The following ARHGAP42 variants were observed in gnomAD, a reference collection of about 807,000 sequenced individuals.
ARHGAP42 encodes the protein Rho GTPase activating protein 42, also known as rho GTPase-activating protein 42.
A neutral mutation model predicts 125.0 loss-of-function variants in ARHGAP42; 63 were observed. That is an observed-to-expected ratio of 0.50 (90% CI 0.41 to 0.62). ARHGAP42 has a LOEUF of 0.62. Among genes scored for constraint, ARHGAP42 ranks in the 20% least tolerant of loss-of-function variants. The pLI, the probability that ARHGAP42 is intolerant of heterozygous loss-of-function variation, is 0.00. For synonymous variants in ARHGAP42, 339 were observed against 351.0 expected (o/e 0.97, Z 0.38); for missense variants, 766 against 1,024.2 (o/e 0.75, Z 3.44).
chr11:100,779,042 C>G (rs1041078387), intron 2 of ARHGAP42, among the ~76,000 whole-genome samples: 1 of 151,928 alleles, frequency 6.6e-6, no homozygotes, highest in Non-Finnish European at 1.5e-5. Flanking sequence ...TTATTTGTAG[C>G]AAAGATTTAA....
At chr11:100,717,806 A>G (rs1861691779) in intron 1 of ARHGAP42, among the ~76,000 whole-genome samples, 1 of 151,534 alleles carries the variant, frequency 6.6e-6, no homozygotes, top group Non-Finnish European at 1.5e-5. Context: ...CACACCTGTC[A>G]TCCCAGCTAC....
chr11:100,955,415 C>T (rs1857778217), intron 12 of ARHGAP42, among the ~76,000 whole-genome samples: 1 of 152,042 alleles, frequency 6.6e-6, no homozygotes, highest in Non-Finnish European at 1.5e-5. Context: ...CTTCTCTCTA[C>T]AATGGAGGAG....
intron 1 of ARHGAP42, among the ~76,000 whole-genome samples, chr11:100,753,055 G>T (rs1489151062): frequency 4.6e-5 from 7 of 152,156 alleles, no homozygotes; most frequent in Admixed American, 1.3e-4. Flanking sequence ...TCTGTCCCTT[G>T]TGTTAAGTTA....
chr11:100,903,709 A>AAAAAATATATATAT (rs1332890022), intron 4 of ARHGAP42, among the ~76,000 whole-genome samples: 17 of 63,508 alleles, frequency 2.7e-4, no homozygotes, highest in African/African-American at 1.0e-3. Flanking sequence ...TGTCCCTCAA[A>AAAAAATATATATAT]ATATATATAT....
chr11:100,908,710 G>A (rs1236672610), intron 4 of ARHGAP42, among the ~76,000 whole-genome samples: 1 of 152,194 alleles, frequency 6.6e-6, no homozygotes, highest in Non-Finnish European at 1.5e-5. Context: ...AAACATATGA[G>A]TGCAGGTAAC....
chr11:100,777,086 G>A (rs757311182), intron 2 of ARHGAP42, among the ~76,000 whole-genome samples: 11 of 152,012 alleles, frequency 7.2e-5, no homozygotes, highest in Admixed American at 1.3e-4. Context: ...TGATGGATGA[G>A]AGCTCGAACA....
chr11:100,702,697 GT>G (rs1861417688), intron 1 of ARHGAP42, among the ~76,000 whole-genome samples: 1 of 141,590 alleles, frequency 7.1e-6, no homozygotes, highest in East Asian at 2.0e-4. Context: ...TTGACACGGA[GT>G]TTTGCTCTTG....
intron 2 of ARHGAP42, among the ~76,000 whole-genome samples, chr11:100,773,657 G>A (rs1863036000): frequency 1.3e-5 from 2 of 152,192 alleles, no homozygotes; most frequent in Non-Finnish European, 1.5e-5. Context: ...CTAGGCAGAT[G>A]TTAGGTAATT....
At chr11:100,753,354 G>T (rs370185339) in intron 1 of ARHGAP42, among the ~76,000 whole-genome samples, 18 of 152,172 alleles carry the variant, frequency 1.2e-4, no homozygotes, top group South Asian at 2.1e-4. Flanking sequence ...ATTCCAGGCC[G>T]TCTTTGCTCA....
At chr11:100,699,712 G>A (rs903378668) in intron 1 of ARHGAP42, among the ~76,000 whole-genome samples, 1 of 151,308 alleles carries the variant, frequency 6.6e-6, no homozygotes, top group Non-Finnish European at 1.5e-5. Flanking sequence ...TAGTACATAT[G>A]GGGTTTCACC....
intron 12 of ARHGAP42, among the ~76,000 whole-genome samples, chr11:100,954,197 C>G (rs1275373339): frequency 6.6e-6 from 1 of 152,026 alleles, no homozygotes; most frequent in African/African-American, 2.4e-5. Flanking sequence ...GTCCTTCAAC[C>G]CTGGGTCTGG....
intron 4 of ARHGAP42, among the ~76,000 whole-genome samples, chr11:100,866,069 G>A (rs897928806): frequency 1.3e-5 from 2 of 152,152 alleles, no homozygotes; most frequent in African/African-American, 2.4e-5. Context: ...GCCTTATCAC[G>A]TAAGTATATG....
chr11:100,728,663 C>T (rs1267808568), intron 1 of ARHGAP42, among the ~76,000 whole-genome samples: 3 of 142,616 alleles, frequency 2.1e-5, no homozygotes, highest in African/African-American at 7.8e-5. Context: ...GTTAGGTTCA[C>T]GATGGATCTA....
At chr11:100,747,657 T>C (rs1329819106) in intron 1 of ARHGAP42, among the ~76,000 whole-genome samples, 1 of 152,238 alleles carries the variant, frequency 6.6e-6, no homozygotes, top group Non-Finnish European at 1.5e-5. Context: ...TTTAACCTTT[T>C]AATGTAGGTA....
intron 3 of ARHGAP42, among the ~76,000 whole-genome samples, chr11:100,856,175 G>A (rs908079202): frequency 1.3e-5 from 2 of 152,002 alleles, no homozygotes; most frequent in African/African-American, 4.8e-5. Flanking sequence ...TTCCATATGA[G>A]CAAAAATTGC....
At chr11:100,916,600 A>T (rs971283709) in intron 5 of ARHGAP42, among the ~76,000 whole-genome samples, 1 of 152,188 alleles carries the variant, frequency 6.6e-6, no homozygotes, top group Non-Finnish European at 1.5e-5. Context: ...AAGGTATAGG[A>T]AATTGGGCAC....
At chr11:100,748,687 TG>T (rs951956714) in intron 1 of ARHGAP42, among the ~76,000 whole-genome samples, 1 of 152,220 alleles carries the variant, frequency 6.6e-6, no homozygotes, top group Non-Finnish European at 1.5e-5. Context: ...GCTAATAGAT[TG>T]AATGCATTTG....
intron 6 of ARHGAP42, among the ~76,000 whole-genome samples, chr11:100,932,375 T>C (rs1433742308): frequency 6.6e-6 from 1 of 152,216 alleles, no homozygotes; most frequent in Non-Finnish European, 1.5e-5. Context: ...GAGACAAGTC[T>C]GTGAAATAAA....
At chr11:100,829,623 A>G (rs1015596388) in intron 3 of ARHGAP42, among the ~76,000 whole-genome samples, 1 of 152,196 alleles carries the variant, frequency 6.6e-6, no homozygotes, top group Non-Finnish European at 1.5e-5. Context: ...TTGTTCAGTG[A>G]TAGAAATTAC....
Sources: gnomAD v4.1 joint callset for allele counts (sites outside exome capture counted in the v4.1 genomes callset) on GRCh38, gnomAD v4.1.1 for gene constraint, MANE v1.5 for transcripts, NCBI Gene and HGNC (gene_info 2026-07-23, HGNC 2026-07-21) for gene names.